CFAP45: variants seen among roughly 807,000 people sequenced by gnomAD.
CFAP45 encodes cilia and flagella associated protein 45, also known as cilia- and flagella-associated protein 45.
A neutral mutation model predicts 75.6 loss-of-function variants in CFAP45; 43 were observed. That is an observed-to-expected ratio of 0.57 (90% CI 0.45 to 0.73). The LOEUF is 0.73. CFAP45 is among the 30% of genes least tolerant of loss of function. CFAP45 has a pLI of 0.00. For missense variants in CFAP45, 689 were observed against 701.5 expected (o/e 0.98, Z 0.20); for synonymous variants, 223 against 244.6 (o/e 0.91, Z 0.82).
chr1:159,880,480 T>G (rs1649523663), intron 8 of CFAP45, 74 bp downstream of exon 8: 1 of 1,396,256 alleles, frequency 7.2e-7, no homozygotes, highest in African/African-American at 1.4e-5. Flanking sequence ...GGAGTTCCCT[T>G]AGTTCTCAGG....
chr1:159,891,659 G>T (rs1649833894), intron 2 of CFAP45, among the ~76,000 whole-genome samples: 1 of 152,194 alleles, frequency 6.6e-6, no homozygotes, highest in African/African-American at 2.4e-5. Flanking sequence ...CAGAGGCAGG[G>T]GGATGGCCCC....
Position 159,877,159 on chromosome 1 carries a change from T to G in CFAP45, c.1158+190A>C, listed in dbSNP as rs1179381431. 1.3e-5 allele frequency among the ~76,000 whole-genome samples: 2 copies of G among 152,242 alleles called. 1 individual carries two copies. ...TTTCTCTTGAACCTTAAGCACAGGC[T>G]GCACTGCCCAATCCCTGCTGACACA... is the stretch of plus-strand genomic sequence containing the variant. On this transcript the variant is annotated intron_variant, in intron 9 of 11. Transcript: ENST00000368099.
intron 1 of CFAP45, chr1:159,898,353 G>A: frequency 2.4e-6 from 1 of 412,102 alleles, no homozygotes; most frequent in Non-Finnish European, 3.3e-6. Context: ...CATTATTTTT[G>A]TAAGAGTTCT....
At position 159,884,436 on chromosome 1, in the gene CFAP45, C is replaced by T; in HGVS notation, c.897G>A (p.Lys299=). The part of the protein sequence containing the change: ...YMEQLQEEDL[K]DMERRQQQKL... ...TGGCATTGTCTGTCTGGCCTGTTAC[C>T]TTTAGATCTTCCTCTTGGAGCTGTT... The change falls in exon 7 of 12, where the codon AAG becomes AAA. Residue 299 remains lysine (K), a splice_region_variant and synonymous_variant. Coordinates refer to ENST00000368099, the MANE Select transcript of CFAP45 (RefSeq NM_012337.3). 2 of 1,609,050 alleles carry T rather than the reference C, an allele frequency of 1.2e-6. No homozygotes were observed. Among genetic ancestry groups the T allele is most frequent in the Middle Eastern group, 1.7e-4 (1 of 6,056 alleles).
At chr1:159,884,675 G>A in intron 6 of CFAP45, 110 bp from the exon 7 acceptor site, 1 of 1,095,668 alleles carries the variant, frequency 9.1e-7, no homozygotes, top group Non-Finnish European at 1.3e-6. Context: ...GAAACAATTT[G>A]ACAAGTGCCC....
At position 159,880,632 on chromosome 1, in the gene CFAP45, G is replaced by C. The variant is rs774341505; in HGVS notation, c.966C>G (p.Asn322Lys). 1 of 1,613,752 alleles carries C rather than the reference G, an allele frequency of 6.2e-7. No homozygotes were observed. Among genetic ancestry groups the C allele is most frequent in the Non-Finnish European group, 8.5e-7 (1 of 1,179,898 alleles). ...QAEIKRINDE[N>K]QKQKAELLAQ... ...CCAGCAGTTCTGCTTTCTGTTTCTG[G>C]TTTTCATCATTGATGCGCTTAATCT... The change falls in exon 8 of 12, where the codon AAC (asparagine) becomes AAG (lysine). Residue 322 changes from asparagine (N) to lysine (K), a missense_variant. Coordinates refer to ENST00000368099, the MANE Select transcript of CFAP45 (RefSeq NM_012337.3).
chr1:159,881,282 G>C (rs1649545197), intron 7 of CFAP45, among the ~76,000 whole-genome samples: 1 of 152,202 alleles, frequency 6.6e-6, no homozygotes, highest in African/African-American at 2.4e-5. Context: ...CGGCCACACA[G>C]CTTATAATCT....
rs1286221616 is a variant in CFAP45 at position 159,888,426 on chromosome 1, C to A, written c.343G>T (p.Ala115Ser). ...TCTTCTCTGGTCAGGACATGGGATG[C>A]CCATTTGATTCGCTCAAACTCCTCA... ...SPEEFERIKW[A>S]SHVLTREELE... is the part of the protein sequence containing the mutation. The change falls in exon 4 of 12, where the codon GCA (alanine) becomes TCA (serine). Residue 115 changes from alanine (A) to serine (S), a missense_variant. Coordinates refer to ENST00000368099, the MANE Select transcript of CFAP45 (RefSeq NM_012337.3). The A allele has an allele frequency of 1.2e-6, 2 of 1,607,332 alleles. No homozygotes were observed. The highest frequency in any genetic ancestry group is 1.7e-6 in the Non-Finnish European group (2 of 1,174,974).
intron 5 of CFAP45, 79 bp from the exon 6 acceptor site, chr1:159,886,768 A>G: frequency 8.3e-7 from 1 of 1,200,572 alleles, no homozygotes; most frequent in Non-Finnish European, 1.2e-6. Flanking sequence ...ACAGAATGCT[A>G]TACTGCTGAG....
At chr1:159,873,419 GGGCCCCCAGCTT>G (rs1649327094) in intron 10 of CFAP45, 1 of 555,404 alleles carries the variant, frequency 1.8e-6, no homozygotes, top group Non-Finnish European at 3.2e-6. Context: ...ATGCTTAGAA[GGGCCCCCAGCTT>G]GGTTTGATGC....
rs1412415517 is a variant in CFAP45 at position 159,893,258 on chromosome 1, G to A, written c.51C>T (p.Asn17=). ...GATAGCGAGCCTTATTCCTTGACCT[G>A]TTGGAAGCGGCAGAAGAGGAGCTCA... ...GILSSSSAAS[N]RSRNKARYRT... is the part of the protein sequence containing the mutation. Residue 17 remains asparagine, a synonymous_variant, in exon 2 of 12, where the codon AAC becomes AAT. Coordinates refer to ENST00000368099, the MANE Select transcript of CFAP45 (RefSeq NM_012337.3). The A allele has an allele frequency of 6.2e-7, 1 of 1,613,744 alleles. No individual in the cohort carries two copies. The highest frequency in any genetic ancestry group is 8.5e-7 in the Non-Finnish European group (1 of 1,179,918).
In CFAP45 at chr1:159,877,454, T is replaced by C; in HGVS notation, c.1053A>G (p.Glu351=). The C allele has an allele frequency of 6.2e-7, 1 of 1,613,334 alleles. No individual in the cohort carries two copies. ...TCTCCTGCTCAGCCTCAAACTCTGC[T>C]TCTCGAGCCTGCCGGAAGGAAAGGC... is the stretch of plus-strand genomic sequence containing the variant. ...MEFTKKKMAR[E]AEFEAEQERI... is the part of the protein sequence containing the mutation. The change falls in exon 9 of 12, where the codon GAA becomes GAG. Residue 351 remains glutamate (E), a synonymous_variant. Transcript: ENST00000368099.
chr1:159,886,766 C>T, intron 5 of CFAP45, 77 bp from the exon 6 acceptor site: 1 of 1,220,936 alleles, frequency 8.2e-7, no homozygotes, highest in South Asian at 1.2e-5. Flanking sequence ...AAACAGAATG[C>T]TATACTGCTG....
chr1:159,884,077 T>C (rs1649617168), intron 7 of CFAP45, among the ~76,000 whole-genome samples: 1 of 152,238 alleles, frequency 6.6e-6, no homozygotes, highest in South Asian at 2.1e-4. Context: ...ACTGTTCATC[T>C]ACAAAGTATA....
rs753347555 is a variant in CFAP45, at chr1:159,893,243, C to T, written c.66G>A (p.Lys22=). The T allele has an allele frequency of 1.9e-6, 3 of 1,613,964 alleles. No individual in the cohort carries two copies. The highest frequency in any genetic ancestry group is 1.3e-5 in the African/African-American group (1 of 74,930). The part of the protein sequence containing the change: ...SSAASNRSRN[K]ARYRTKAVSS... ...TCACGGCTTTGGTCCGATAGCGAGC[C>T]TTATTCCTTGACCTGTTGGAAGCGG... is the stretch of plus-strand genomic sequence containing the variant. The change falls in exon 2 of 12, where the codon AAG becomes AAA. Residue 22 remains lysine, a synonymous_variant. Transcript: ENST00000368099.
In CFAP45 at chr1:159,890,501, C is replaced by G. The variant is rs142731231; in HGVS notation, c.251G>C (p.Arg84Pro). The G allele has an allele frequency of 6.2e-7, 1 of 1,614,046 alleles. No homozygotes were observed. The highest frequency in any genetic ancestry group is 8.5e-7 in the Non-Finnish European group (1 of 1,180,004). Residue 84 changes from arginine to proline, a missense_variant, in exon 3 of 12, where the codon CGG becomes CCG. By Grantham distance (103) the Arg-to-Pro change is moderately radical. Coordinates refer to ENST00000368099, the MANE Select transcript of CFAP45 (RefSeq NM_012337.3). ...TCACATGAGTTCTCGGACCATGTCC[C>G]GGGTGATGAGCTGGATGGTCTCTGG... is the stretch of plus-strand genomic sequence containing the variant. ...RKPETIQLIT[R>P]DMVRELIVPT...
chr1:159,873,170 TG>T lies in CFAP45; in HGVS notation c.1353-3del. 6.2e-7 allele frequency: 1 copy of T among 1,612,730 alleles called. No homozygotes were observed. On this transcript the variant is annotated splice_polypyrimidine_tract_variant and splice_region_variant and intron_variant, in intron 10 of 11. Transcript: ENST00000368099. Reference sequence around the variant, plus strand: ...TTCTCAATCTGTTCTCTCTGAGCCCTGGGGGAGGGAAACAGGAATGGAATGA... The same window carrying T: ...TTCTCAATCTGTTCTCTCTGAGCCCTGGGGAGGGAAACAGGAATGGAATGA...
chr1:159,893,963 AAG>A (rs1649891352), intron 1 of CFAP45, among the ~76,000 whole-genome samples: 1 of 152,004 alleles, frequency 6.6e-6, no homozygotes, highest in African/African-American at 2.4e-5. Context: ...AACTAGCTAG[AAG>A]AGAGAATTTT....
chr1:159,897,487 G>A (rs1417708546), intron 1 of CFAP45, among the ~76,000 whole-genome samples: 2 of 152,230 alleles, frequency 1.3e-5, no homozygotes, highest in East Asian at 3.9e-4. Flanking sequence ...GGAGGCTGAG[G>A]CAGGAGAATC....
Sources: gnomAD v4.1 joint callset for allele counts (sites outside exome capture counted in the v4.1 genomes callset) on GRCh38, gnomAD v4.1.1 for gene constraint, MANE v1.5 for transcripts, NCBI Gene and HGNC (gene_info 2026-07-23, HGNC 2026-07-21) for gene names.